The following GPC5 variants were observed in gnomAD, a reference collection of about 807,000 sequenced individuals.
The protein encoded by GPC5 is glypican 5, also known as glypican-5.
In GPC5, 47 loss-of-function variants were observed where a neutral mutation model predicts 53.9. The observed-to-expected ratio is 0.87, with a 90% CI of 0.69 to 1.11. The LOEUF (loss-of-function observed/expected upper bound fraction) is 1.11, where lower values mean the gene tolerates loss of function less well. Among genes scored for constraint, GPC5 ranks in the 50% most tolerant of loss-of-function variants. GPC5 has a pLI of 0.00. For missense variants in GPC5, 748 were observed against 713.1 expected (o/e 1.05, Z -0.56); for synonymous variants, 286 against 263.3 (o/e 1.09, Z -0.84).
intron 5 of GPC5, among the ~76,000 whole-genome samples, chr13:91,896,287 CT>C (rs937853280): frequency 1.5e-4 from 23 of 151,694 alleles, no homozygotes; most frequent in African/African-American, 5.3e-4. Flanking sequence ...GGCCTGCTAA[CT>C]TTTTGTATTT....
intron 7 of GPC5, among the ~76,000 whole-genome samples, chr13:92,864,380 C>A (rs1879278097): frequency 6.6e-6 from 1 of 152,246 alleles, no homozygotes; most frequent in Non-Finnish European, 1.5e-5. Context: ...TTTCTACTTA[C>A]ATATTTTCAC....
In GPC5 at chr13:92,494,515, C is replaced by T. The variant is rs544111105; in HGVS notation, c.1561+349526C>T. On this transcript the variant is annotated intron_variant, in intron 7 of 7. Coordinates refer to ENST00000377067, the MANE Select transcript of GPC5 (RefSeq NM_004466.6). ...GGATTGTACAAATTGTACTTACCAA[C>T]TTATTTGCAAATTTTTCTTTTCGTA... Among the ~76,000 whole-genome samples the T allele has an allele frequency of 9.9e-5, 15 of 152,268 alleles. 1 individual carries two copies. In the South Asian group the frequency reaches 3.1e-3, roughly 32 times the overall value.
chr13:91,945,870 A>G (rs976349280), intron 6 of GPC5, among the ~76,000 whole-genome samples: 3 of 152,200 alleles, frequency 2.0e-5, no homozygotes, highest in Non-Finnish European at 4.4e-5. Context: ...AAAGTGATTC[A>G]TACACTTTTA....
intron 7 of GPC5, among the ~76,000 whole-genome samples, chr13:92,397,116 T>G (rs1875318353): frequency 6.6e-6 from 1 of 152,196 alleles, no homozygotes; most frequent in Non-Finnish European, 1.5e-5. Context: ...TGTTAACACT[T>G]GTCCCACTGA....
intron 2 of GPC5, among the ~76,000 whole-genome samples, chr13:91,656,423 T>C (rs573808789): frequency 1.3e-5 from 2 of 152,246 alleles, no homozygotes; most frequent in Admixed American, 1.3e-4. Flanking sequence ...TAAGGATGGG[T>C]ATGTAAAATG....
At chr13:92,224,046 A>G (rs2042467331) in intron 7 of GPC5, among the ~76,000 whole-genome samples, 1 of 152,184 alleles carries the variant, frequency 6.6e-6, no homozygotes, top group Non-Finnish European at 1.5e-5. Flanking sequence ...TTTTAACAAC[A>G]CTATAAAAAC....
At chr13:91,896,588 G>T (rs1348119413) in intron 5 of GPC5, among the ~76,000 whole-genome samples, 1 of 152,226 alleles carries the variant, frequency 6.6e-6, no homozygotes, top group East Asian at 1.9e-4. Flanking sequence ...AAAGGAGAAC[G>T]GGGGAAGTAT....
intron 7 of GPC5, among the ~76,000 whole-genome samples, chr13:92,159,905 A>G (rs546940125): frequency 7.2e-5 from 10 of 138,966 alleles, no homozygotes; most frequent in Middle Eastern, 5.5e-3. Context: ...CCCGGTCCCA[A>G]TGTTCTTTTT....
In GPC5 at chr13:92,579,318, CCTCCCTCT is replaced by C. The variant is rs1172925254; in HGVS notation, c.1562-286960_1562-286953del. On this transcript the variant is annotated intron_variant, in intron 7 of 7. Coordinates refer to ENST00000377067, the MANE Select transcript of GPC5 (RefSeq NM_004466.6). ...CTCTCTCTCCCTCCCTCCCTCCCTC[CCTCCCTCT>C]CTCTCTCTCTCTCTGCTTCATTACC... 1.7e-3 allele frequency among the ~76,000 whole-genome samples: 168 copies of C among 98,352 alleles called. 4 individuals are homozygous for C. The highest frequency in any genetic ancestry group is 6.6e-3 in the African/African-American group (156 of 23,614). The allele number at this position is 98,352 out of a possible 152,430, so 64.5% of individuals were successfully genotyped here.
At chr13:91,636,790 G>A (rs1228163744) in intron 2 of GPC5, among the ~76,000 whole-genome samples, 1 of 151,736 alleles carries the variant, frequency 6.6e-6, no homozygotes, top group African/African-American at 2.4e-5. Context: ...CACTGTCCCT[G>A]CAAAAAATAA....
intron 7 of GPC5, among the ~76,000 whole-genome samples, chr13:92,331,174 T>C (rs1318877578): frequency 6.6e-6 from 1 of 152,196 alleles, no homozygotes; most frequent in Non-Finnish European, 1.5e-5. Flanking sequence ...GAATAATTTC[T>C]TCAATGATCC....
chr13:92,493,821 A>G (rs1879857190), intron 7 of GPC5, among the ~76,000 whole-genome samples: 1 of 152,262 alleles, frequency 6.6e-6, no homozygotes, highest in South Asian at 2.1e-4. Flanking sequence ...TGATACCCTC[A>G]CCTGCAATGT....
chr13:92,618,624 A>G (rs1456347646), intron 7 of GPC5, among the ~76,000 whole-genome samples: 1 of 151,764 alleles, frequency 6.6e-6, no homozygotes, highest in Non-Finnish European at 1.5e-5. Context: ...ACATATTAAT[A>G]GACATGTTGC....
At chr13:92,155,368 A>T (rs1224452280) in intron 7 of GPC5, among the ~76,000 whole-genome samples, 1 of 152,002 alleles carries the variant, frequency 6.6e-6, no homozygotes, top group Non-Finnish European at 1.5e-5. Flanking sequence ...CTCAGTGCAC[A>T]ATGATTTGTT....
chr13:92,514,177 G>A (rs563086060), intron 7 of GPC5, among the ~76,000 whole-genome samples: 2 of 113,084 alleles, frequency 1.8e-5, no homozygotes, highest in Non-Finnish European at 3.3e-5. Context: ...AGGTCATATT[G>A]ATTTGTCACC....
At chr13:92,409,320 AT>A (rs1345592665) in intron 7 of GPC5, among the ~76,000 whole-genome samples, 2 of 151,878 alleles carry the variant, frequency 1.3e-5, no homozygotes, top group Admixed American at 1.3e-4. Context: ...AAAAGAAAAT[AT>A]TTTTAATAAA....
intron 2 of GPC5, among the ~76,000 whole-genome samples, chr13:91,459,388 T>C (rs185229774): frequency 2.8e-4 from 43 of 152,048 alleles, no homozygotes; most frequent in Non-Finnish European, 1.9e-4. Context: ...CGTGGTGACT[T>C]GGGTGTTTGC....
At chr13:92,832,828 T>C (rs1313624127) in intron 7 of GPC5, among the ~76,000 whole-genome samples, 2 of 152,030 alleles carry the variant, frequency 1.3e-5, no homozygotes, top group Non-Finnish European at 2.9e-5. Context: ...GCCAACATGG[T>C]AAAACCCTGT....
intron 7 of GPC5, among the ~76,000 whole-genome samples, chr13:92,660,411 G>C (rs1886295050): frequency 6.6e-6 from 1 of 151,430 alleles, no homozygotes; most frequent in Non-Finnish European, 1.5e-5. Flanking sequence ...ACAGCAAGAG[G>C]TGTATGTATA....
Sources: gnomAD v4.1 joint callset for allele counts (sites outside exome capture counted in the v4.1 genomes callset) on GRCh38, gnomAD v4.1.1 for gene constraint, MANE v1.5 for transcripts, NCBI Gene and HGNC (gene_info 2026-07-23, HGNC 2026-07-21) for gene names.